Variants in SHC2 observed in about 807,000 individuals in gnomAD.
SHC2 encodes the protein SHC adaptor protein 2, also known as SHC-transforming protein 2.
SHC2 carries 62 observed loss-of-function variants against 60.6 expected under a neutral mutation model. That is an observed-to-expected ratio of 1.02 (90% CI 0.83 to 1.26). SHC2 has a LOEUF of 1.26. SHC2 is among the 50% of genes most tolerant of loss of function. The pLI, the probability that SHC2 is intolerant of heterozygous loss-of-function variation, is 0.00. For synonymous variants in SHC2, 375 were observed against 372.4 expected (o/e 1.01, Z -0.08); for missense variants, 873 against 822.2 (o/e 1.06, Z -0.76).
rs1465033165 is a variant in SHC2, at chr19:445,086, C to A, written c.469-4154G>T. Among the ~76,000 whole-genome samples, 1 of 152,236 alleles carries A rather than the reference C, an allele frequency of 6.6e-6. No homozygotes were observed. Among genetic ancestry groups the A allele is most frequent in the African/African-American group, 2.4e-5 (1 of 41,468 alleles). On this transcript the variant is annotated intron_variant, in intron 1 of 12. Transcript: ENST00000264554. This position sits in a 1 kb window ranked among gnomAD's most constrained non-coding sequence, Gnocchi z 4.4. ...GCTCCACGGCGCCCAGTGCTGCCGG[C>A]CATGTGCTTTTTTAAAAAAGAGACC... is the stretch of plus-strand genomic sequence containing the variant.
Position 422,356 on chromosome 19 carries a change from G to C in SHC2, c.1410C>G (p.Thr470=), listed in dbSNP as rs1974297883. 1 of 1,606,242 alleles carries C rather than the reference G, an allele frequency of 6.2e-7. No homozygotes were observed. ...PLEDQWPSPP[T]RRAPVAPTEE... ...CCGTGGGGGCCACAGGGGCCCGGCG[G>C]GTAGGGGGGCTGGGCCACTGGTCCT... Residue 470 remains threonine, a synonymous_variant, in exon 11 of 13, where the codon ACC becomes ACG. Coordinates refer to ENST00000264554, the MANE Select transcript of SHC2 (RefSeq NM_012435.3). This position sits in a 1 kb window ranked among gnomAD's most constrained non-coding sequence, Gnocchi z 5.0.
At chr19:447,223 G>A (rs1263606200) in intron 1 of SHC2, among the ~76,000 whole-genome samples, 3 of 151,584 alleles carry the variant, frequency 2.0e-5, no homozygotes, top group African/African-American at 2.4e-5. Flanking sequence ...GCCACACAGC[G>A]TGTGATCCCA....
chr19:439,181 G>T, intron 2 of SHC2, 151 bp from the exon 3 acceptor site: 1 of 335,878 alleles, frequency 3.0e-6, no homozygotes, highest in East Asian at 4.9e-5. Context: ...AGAGAGGGAG[G>T]GGTGGGAGAG....
chr19:446,118 G>A lies in SHC2; in HGVS notation c.469-5186C>T, dbSNP rs901259536. Among the ~76,000 whole-genome samples the A allele has an allele frequency of 1.3e-5, 2 of 151,816 alleles. No individual in the cohort carries two copies. The highest frequency in any genetic ancestry group is 2.4e-5 in the African/African-American group (1 of 41,310). ...TGAGAGACAGAGACACAGAAGGGAGGGGCCGTGTGCAGCCGAGGACACCAA... is the reference window on the plus strand; with the variant it reads ...TGAGAGACAGAGACACAGAAGGGAGAGGCCGTGTGCAGCCGAGGACACCAA... On this transcript the variant is annotated intron_variant, in intron 1 of 12. Coordinates refer to ENST00000264554, the MANE Select transcript of SHC2 (RefSeq NM_012435.3). The surrounding 1 kb of genome is among the most constrained non-coding windows in gnomAD (Gnocchi z 5.4).
intron 7 of SHC2, chr19:435,874 C>T (rs1038328196): frequency 1.1e-5 from 4 of 363,990 alleles, no homozygotes; most frequent in African/African-American, 4.0e-5. Flanking sequence ...GAGCCGGCCG[C>T]GCGTCTGGAG....
chr19:455,483 G>A (rs1316213985), intron 1 of SHC2, among the ~76,000 whole-genome samples: 1 of 152,248 alleles, frequency 6.6e-6, no homozygotes, highest in Admixed American at 6.5e-5. Flanking sequence ...CACCGATGCT[G>A]CCCACGGCGC....
In SHC2 at chr19:430,022, G is replaced by T. The variant is rs183353647; in HGVS notation, c.1174+662C>A. Among the ~76,000 whole-genome samples, 335 of 141,576 alleles carry T rather than the reference G, an allele frequency of 2.4e-3. 2 individuals carry two copies. Among genetic ancestry groups the T allele is most frequent in the Middle Eastern group, 8.8e-3 (2 of 226 alleles). 92.9% of individuals were successfully genotyped at this position (141,576 alleles called of 152,430 possible). On this transcript the variant is annotated intron_variant, in intron 9 of 12. Coordinates refer to ENST00000264554, the MANE Select transcript of SHC2 (RefSeq NM_012435.3). ...GGAAACCTAACACCGTGTGGATGAC[G>T]CAGTACCTATACCCCAACGTGCACG...
chr19:425,253 A>G lies in SHC2; in HGVS notation c.1175-22T>C, dbSNP rs778776423. 96 of 1,315,204 alleles carry G rather than the reference A, an allele frequency of 7.3e-5. No homozygotes were observed. The highest frequency in any genetic ancestry group is 9.1e-5 in the Non-Finnish European group (93 of 1,024,110). 81.5% of individuals were successfully genotyped at this position (1,315,204 alleles called of 1,614,324 possible). A position where few individuals can be genotyped will look rare whatever the true frequency, so the allele number is the denominator to read the frequency against. The stretch of plus-strand genomic sequence containing the variant: ...GGAGCTGGGGAGTGTAAAGAGGGGC[A>G]GGGGGTCAGCTGGGAGCCAGGCGAG... On this transcript the variant is annotated intron_variant, in intron 9 of 12. Transcript: ENST00000264554. The surrounding 1 kb of genome is among the most constrained non-coding windows in gnomAD (Gnocchi z 4.1).
intron 1 of SHC2, among the ~76,000 whole-genome samples, chr19:455,510 C>T (rs183447792): frequency 3.3e-5 from 5 of 152,364 alleles, no homozygotes; most frequent in Middle Eastern, 3.4e-3. Flanking sequence ...GCGGGGCCCA[C>T]GCCGCTGATT....
chr19:447,165 G>C (rs1308429311), intron 1 of SHC2, among the ~76,000 whole-genome samples: 1 of 152,218 alleles, frequency 6.6e-6, no homozygotes. Context: ...GCAAGTCTCC[G>C]ATACGGGCCA....
rs555168359 is a variant in SHC2 at position 446,380 on chromosome 19, G to A, written c.469-5448C>T. The stretch of plus-strand genomic sequence containing the variant: ...GGCTGGAGTGCGGTGGTGCGATCAC[G>A]ACTCACTGCAACTTCCGCCTCCCGG... On this transcript the variant is annotated intron_variant, in intron 1 of 12. Transcript: ENST00000264554. The surrounding 1 kb of genome is among the most constrained non-coding windows in gnomAD (Gnocchi z 5.4). Among the ~76,000 whole-genome samples, 331 of 152,240 alleles carry A rather than the reference G, an allele frequency of 2.2e-3. 4 individuals are homozygous for A. The highest frequency in any genetic ancestry group is 7.6e-3 in the African/African-American group (316 of 41,534).
intron 12 of SHC2, among the ~76,000 whole-genome samples, chr19:418,100 C>A (rs558143453): frequency 6.6e-6 from 1 of 152,140 alleles, no homozygotes. Context: ...GTCCCTCCTC[C>A]GTCCACACCC....
chr19:422,328 C>T lies in SHC2; in HGVS notation c.1438G>A (p.Glu480Lys), dbSNP rs771591900. Reference sequence around the variant, plus strand: ...TACCAGGGCTCCTGACGCAGCTGTTCCTCCGTGGGGGCCACAGGGGCCCGG... The same window carrying T: ...TACCAGGGCTCCTGACGCAGCTGTTTCTCCGTGGGGGCCACAGGGGCCCGG... ...TRRAPVAPTE[E>K]QLRQEPWYHG... Residue 480 changes from glutamate to lysine, a missense_variant, in exon 11 of 13, where the codon GAA (glutamate) becomes AAA (lysine). By Grantham distance (56) the Glu-to-Lys change is moderately conservative. Coordinates refer to ENST00000264554, the MANE Select transcript of SHC2 (RefSeq NM_012435.3). This position sits in a 1 kb window ranked among gnomAD's most constrained non-coding sequence, Gnocchi z 5.0. 1 of 1,610,614 alleles carries T rather than the reference C, an allele frequency of 6.2e-7. No individual in the cohort carries two copies.
rs1051157857 is a variant in SHC2, at chr19:453,705, C to T, written c.468+6824G>A. ...ATCTCCAGCACCCTCTCACAACTCCCCGCACCTCCCAGCTTAAGGGACCCG... is the reference window on the plus strand; with the variant it reads ...ATCTCCAGCACCCTCTCACAACTCCTCGCACCTCCCAGCTTAAGGGACCCG... On this transcript the variant is annotated intron_variant, in intron 1 of 12. Coordinates refer to ENST00000264554, the MANE Select transcript of SHC2 (RefSeq NM_012435.3). This position sits in a 1 kb window ranked among gnomAD's most constrained non-coding sequence, Gnocchi z 6.3. Among the ~76,000 whole-genome samples, 1 of 152,182 alleles carries T rather than the reference C, an allele frequency of 6.6e-6. No individual in the cohort carries two copies. Among genetic ancestry groups the T allele is most frequent in the Non-Finnish European group, 1.5e-5 (1 of 68,042 alleles).
At chr19:439,527 C>G (rs912617951) in intron 2 of SHC2, 1 of 176,746 alleles carries the variant, frequency 5.7e-6, no homozygotes, top group Admixed American at 5.4e-5. Context: ...ACCACTGGTC[C>G]CCAGGAGAGG....
chr19:420,217 C>T (rs1423552751), intron 11 of SHC2, among the ~76,000 whole-genome samples: 2 of 152,140 alleles, frequency 1.3e-5, no homozygotes, highest in African/African-American at 4.8e-5. Context: ...GGCGGGGACA[C>T]CAGAAACAGT....
At position 439,000 on chromosome 19, in the gene SHC2, C is replaced by T; in HGVS notation, c.570G>A (p.Val190=). 1 of 1,600,476 alleles carries T rather than the reference C, an allele frequency of 6.2e-7. No homozygotes were observed. Among genetic ancestry groups the T allele is most frequent in the Non-Finnish European group, 8.5e-7 (1 of 1,174,262 alleles). Reference sequence around the variant, plus strand: ...TCTTCCAGGATCCCCGGACGCCAGGCACGGCCTCATGGAGCCGGTTGATGG... The same window carrying T: ...TCTTCCAGGATCCCCGGACGCCAGGTACGGCCTCATGGAGCCGGTTGATGG... ...REAINRLHEA[V]PGVRGSWKKK... is the part of the protein sequence containing the mutation. Residue 190 remains valine (V), a synonymous_variant, in exon 3 of 13, where the codon GTG becomes GTA. Transcript: ENST00000264554. The surrounding 1 kb of genome is among the most constrained non-coding windows in gnomAD (Gnocchi z 5.0).
At chr19:417,631 A>G (rs1025930578) in intron 12 of SHC2, among the ~76,000 whole-genome samples, 3 of 152,234 alleles carry the variant, frequency 2.0e-5, no homozygotes, top group Admixed American at 1.3e-4. Flanking sequence ...CGGCCTCCTG[A>G]GCAGGAATCA....
chr19:455,256 C>T (rs139032615), intron 1 of SHC2, among the ~76,000 whole-genome samples: 99 of 152,288 alleles, frequency 6.5e-4, no homozygotes, highest in African/African-American at 2.2e-3. Flanking sequence ...CCAGCAGCTC[C>T]GAGTCAGGTC....
Sources: allele counts gnomAD v4.1 joint callset (sites outside exome capture counted in the v4.1 genomes callset), GRCh38; gene constraint gnomAD v4.1.1; non-coding constraint Gnocchi (gnomAD v3.1); transcripts MANE v1.5; gene names NCBI Gene and HGNC (gene_info 2026-07-23, HGNC 2026-07-21).